ZNF268: variants seen among roughly 807,000 people sequenced by gnomAD.
ZNF268 encodes zinc finger protein 3.
Under a neutral mutation model 29.3 loss-of-function variants are expected in ZNF268, and 20 were observed. That is an observed-to-expected ratio of 0.68 (90% CI 0.48 to 0.99). ZNF268 has a LOEUF of 0.99. ZNF268 is among the 50% of genes least tolerant of loss of function. The pLI, the probability that ZNF268 is intolerant of heterozygous loss-of-function variation, is 0.00. For synonymous variants in ZNF268, 429 were observed against 376.9 expected (o/e 1.14, Z -1.60); for missense variants, 1,240 against 1,121.6 (o/e 1.11, Z -1.51).
At chr12:133,192,107 CTTTT>C (rs200581552) in intron 5 of ZNF268, 104 bp downstream of exon 5, 2,611 of 530,170 alleles carry the variant, frequency 4.9e-3, no homozygotes, top group South Asian at 7.7e-3. Flanking sequence ...TTACCATGCA[CTTTT>C]TTTTTTTTTT....
intron 4 of ZNF268, 45 bp downstream of exon 4, chr12:133,191,660 T>G (rs1356043847): frequency 2.5e-6 from 4 of 1,602,602 alleles, no homozygotes; most frequent in Non-Finnish European, 3.4e-6. Context: ...ATCTCCAGGC[T>G]TCTTCTTGGT....
chr12:133,204,752 C>G lies in ZNF268; in HGVS notation c.*222C>G. ...AGGAAAACTGAATTTAGTAACCACT[C>G]TGAAAATTTTTAGCAGCAAGTCATA... On this transcript the variant is annotated 3_prime_UTR_variant, in exon 6 of 6. Coordinates refer to ENST00000536435, the MANE Select transcript of ZNF268 (RefSeq NM_003415.3). 9.8e-6 allele frequency: 4 copies of G among 408,634 alleles called. No homozygotes were observed. The highest frequency in any genetic ancestry group is 1.7e-5 in the Non-Finnish European group (4 of 231,792). 25.3% of individuals were successfully genotyped at this position (408,634 alleles called of 1,614,324 possible).
chr12:133,202,703 A>G lies in ZNF268; in HGVS notation c.1017A>G (p.Lys339=). 1.2e-6 allele frequency: 2 copies of G among 1,611,476 alleles called. No homozygotes were observed. Among genetic ancestry groups the G allele is most frequent in the Non-Finnish European group, 1.7e-6 (2 of 1,178,778 alleles). The part of the protein sequence containing the change: ...EKLHECSECR[K]TFSFHSQLVI... ...TACATGAATGCAGTGAATGCAGGAA[A>G]ACATTCAGTTTCCATTCACAGCTTG... Residue 339 remains lysine, a synonymous_variant, in exon 6 of 6, where the codon AAA becomes AAG. Transcript: ENST00000536435.
At chr12:133,197,737 G>C (rs1453670186) in intron 5 of ZNF268, among the ~76,000 whole-genome samples, 1 of 152,164 alleles carries the variant, frequency 6.6e-6, no homozygotes, top group Non-Finnish European at 1.5e-5. Flanking sequence ...ATCCTAACTG[G>C]TGTGAGATGG....
chr12:133,185,163 G>A (rs1304134911), intron 2 of ZNF268, among the ~76,000 whole-genome samples: 1 of 144,482 alleles, frequency 6.9e-6, no homozygotes, highest in Admixed American at 7.1e-5. Context: ...CCAATCTGGC[G>A]ACAGAGTGAG....
chr12:133,197,207 T>G (rs1956629994), intron 5 of ZNF268, among the ~76,000 whole-genome samples: 1 of 102,300 alleles, frequency 9.8e-6, no homozygotes, highest in African/African-American at 4.0e-5. Flanking sequence ...CCCACAACAA[T>G]CCCCAAAGTG....
Position 133,203,407 on chromosome 12 carries a change from A to G in ZNF268, c.1721A>G (p.His574Arg). 1 of 1,545,456 alleles carries G rather than the reference A, an allele frequency of 6.5e-7. No homozygotes were observed. The highest frequency in any genetic ancestry group is 8.7e-7 in the Non-Finnish European group (1 of 1,149,940). ...AGTCGGAAATACCAGCTTATTTCAC[A>G]CCAGAGAACTCATGCAGGAGAGAAG... is the stretch of plus-strand genomic sequence containing the variant. ...AFSRKYQLIS[H>R]QRTHAGEKPY... Residue 574 changes from histidine (H) to arginine (R), a missense_variant, in exon 6 of 6, where the codon CAC becomes CGC. Transcript: ENST00000536435.
Position 133,187,919 on chromosome 12 carries a change from G to C in ZNF268, c.81G>C (p.Lys27Asn). ...ACAGTTCATGGGATAGGATCAGAAAGCTCCAAGGTCAGGAATCCATCTTGG... is the reference window on the plus strand; with the variant it reads ...ACAGTTCATGGGATAGGATCAGAAACCTCCAAGGTCAGGAATCCATCTTGG... ...ERNSSWDRIRKLQGQESILGQ... is the reference protein window; with the variant it reads ...ERNSSWDRIRNLQGQESILGQ... The change falls in exon 3 of 6, where the codon AAG becomes AAC. Residue 27 changes from lysine (K) to asparagine (N), a missense_variant. Around this residue, in one of 3 missense-constraint regions of ZNF268, gnomAD observed 51 missense variants for 51.4 expected, o/e 0.99. Coordinates refer to ENST00000536435, the MANE Select transcript of ZNF268 (RefSeq NM_003415.3). 6.2e-7 allele frequency: 1 copy of C among 1,600,914 alleles called. No homozygotes were observed.
intron 4 of ZNF268, 44 bp downstream of exon 4, chr12:133,191,659 C>CT (rs1313342086): frequency 1.1e-5 from 17 of 1,604,494 alleles, no homozygotes; most frequent in Non-Finnish European, 1.4e-5. Flanking sequence ...GATCTCCAGG[C>CT]TTCTTCTTGG....
intron 5 of ZNF268, among the ~76,000 whole-genome samples, chr12:133,198,253 G>C (rs1046719643): frequency 6.7e-6 from 1 of 149,874 alleles, no homozygotes; most frequent in African/African-American, 2.5e-5. Context: ...TTCTACATAT[G>C]GCTAGCCAGT....
At chr12:133,190,056 C>T (rs988257554) in intron 3 of ZNF268, among the ~76,000 whole-genome samples, 2 of 152,226 alleles carry the variant, frequency 1.3e-5, no homozygotes, top group Non-Finnish European at 2.9e-5. Flanking sequence ...GATCTGCCCG[C>T]CTCGGCCTCC....
In ZNF268 at chr12:133,202,229, CACT is replaced by C; in HGVS notation, c.546_548del (p.Thr183del). The C allele has an allele frequency of 6.2e-7, 1 of 1,611,520 alleles. No individual in the cohort carries two copies. The highest frequency in any genetic ancestry group is 1.1e-5 in the South Asian group (1 of 90,614). ...GAAGTACGGCAAAAAGCTTTGAATG[CACT>C]ACATTTGGAAAACTATGTCTTCTTA... On this transcript the variant is annotated inframe_deletion, in exon 6 of 6. Transcript: ENST00000536435.
intron 3 of ZNF268, 56 bp downstream of exon 3, chr12:133,188,128 G>A (rs1418178343): frequency 2.0e-6 from 2 of 1,018,418 alleles, no homozygotes; most frequent in Non-Finnish European, 1.4e-6. Flanking sequence ...TTTTTTTTTT[G>A]GTGCAGAGAG....
chr12:133,194,923 T>C (rs184591896), intron 5 of ZNF268, among the ~76,000 whole-genome samples: 2 of 68,264 alleles, frequency 2.9e-5, no homozygotes, highest in East Asian at 4.6e-4. Flanking sequence ...TGTACTACAT[T>C]AATACAAGTC....
At chr12:133,189,758 G>A (rs1451609894) in intron 3 of ZNF268, among the ~76,000 whole-genome samples, 1 of 152,082 alleles carries the variant, frequency 6.6e-6, no homozygotes, top group Non-Finnish European at 1.5e-5. Flanking sequence ...TCTGTATGCT[G>A]TTAACTACAA....
intron 5 of ZNF268, among the ~76,000 whole-genome samples, chr12:133,197,847 T>C (rs1956649537): frequency 6.6e-6 from 1 of 152,186 alleles, no homozygotes; most frequent in South Asian, 2.1e-4. Flanking sequence ...TTTTGAGAAG[T>C]GTCTGTTCAT....
Position 133,204,059 on chromosome 12 carries a change from C to A in ZNF268, c.2373C>A (p.Ser791Arg). The change falls in exon 6 of 6, where the codon AGC becomes AGA. Residue 791 changes from serine to arginine, a missense_variant. Ser to Arg is a moderately radical substitution (Grantham distance 110, BLOSUM62 -1). This residue lies in a region of ZNF268 where 1,177 missense variants were observed against 1,039.6 expected (regional missense o/e 1.13). Coordinates refer to ENST00000536435, the MANE Select transcript of ZNF268 (RefSeq NM_003415.3). Reference sequence around the variant, plus strand: ...GTGAATGTGGGAAAGCTTTTAGCAGCAAGTCATACCTAATTATACACATGA... The same window carrying A: ...GTGAATGTGGGAAAGCTTTTAGCAGAAAGTCATACCTAATTATACACATGA... ...GCSECGKAFSSKSYLIIHMRT... is the reference protein window; with the variant it reads ...GCSECGKAFSRKSYLIIHMRT... 1 of 1,560,622 alleles carries A rather than the reference C, an allele frequency of 6.4e-7. No homozygotes were observed. Among genetic ancestry groups the A allele is most frequent in the Non-Finnish European group, 8.6e-7 (1 of 1,156,216 alleles).
chr12:133,203,181 C>G lies in ZNF268; in HGVS notation c.1495C>G (p.Pro499Ala). The G allele has an allele frequency of 6.5e-7, 1 of 1,537,742 alleles. No homozygotes were observed. The highest frequency in any genetic ancestry group is 8.7e-7 in the Non-Finnish European group (1 of 1,146,804). The change falls in exon 6 of 6, where the codon CCT becomes GCT. Residue 499 changes from proline to alanine, a missense_variant. Coordinates refer to ENST00000536435, the MANE Select transcript of ZNF268 (RefSeq NM_003415.3). ...TCAGAGAAGTCACACAGGAATGAAA[C>G]CTTATGTATGCAATGAATGTGGCAA... ...VHQRSHTGMK[P>A]YVCNECGKAF...
At chr12:133,201,454 G>A (rs1397105890) in intron 5 of ZNF268, among the ~76,000 whole-genome samples, 2 of 152,066 alleles carry the variant, frequency 1.3e-5, no homozygotes, top group African/African-American at 4.8e-5. Context: ...ATCTGAAAAT[G>A]TTTTGACTTT....
Sources: gnomAD v4.1 joint callset for allele counts (sites outside exome capture counted in the v4.1 genomes callset) on GRCh38, gnomAD v4.1.1 for gene constraint, gnomAD v4.1.1 regional missense constraint, MANE v1.5 for transcripts, NCBI Gene and HGNC (gene_info 2026-07-23, HGNC 2026-07-21) for gene names.